Variants in GBE1 observed in about 807,000 individuals in gnomAD.
The protein encoded by GBE1 is 1,4-alpha-glucan branching enzyme 1.
A neutral mutation model predicts 88.8 loss-of-function variants in GBE1; 70 were observed. The ratio of observed to expected loss-of-function variants is 0.79; its 90% confidence interval spans 0.65 to 0.96. The LOEUF (loss-of-function observed/expected upper bound fraction) is 0.96. Among genes scored for constraint, GBE1 ranks in the 40% least tolerant of loss-of-function variants. GBE1 has a pLI of 0.00. For synonymous variants in GBE1, 284 were observed against 300.1 expected, an observed-to-expected ratio of 0.95 and a Z score of 0.56; for missense variants, 872 against 871.0, an observed-to-expected ratio of 1.00 and a Z score of -0.01.
chr3:81,761,469 C>T lies in GBE1; in HGVS notation c.49G>A (p.Ala17Thr). Reference sequence around the variant, plus strand: ...ACGTCAGCCAGGGCGGCATTGAGCGCCGCCTCGTAGTCCTCGGGCCGAGCC... The same window carrying T: ...ACGTCAGCCAGGGCGGCATTGAGCGTCGCCTCGTAGTCCTCGGGCCGAGCC... ...PAARPEDYEAALNAALADVPE... is the reference protein window; with the variant it reads ...PAARPEDYEATLNAALADVPE... Residue 17 changes from alanine (A) to threonine (T), a missense_variant, in exon 1 of 16, where the codon GCG becomes ACG. Physicochemically the swap from Ala to Thr is moderately conservative, Grantham distance 58. Coordinates refer to ENST00000429644, the MANE Select transcript of GBE1 (RefSeq NM_000158.4). The T allele has an allele frequency of 6.2e-7, 1 of 1,613,428 alleles. No individual in the cohort carries two copies. Among genetic ancestry groups the T allele is most frequent in the Non-Finnish European group, 8.5e-7 (1 of 1,179,694 alleles).
intron 7 of GBE1, among the ~76,000 whole-genome samples, chr3:81,634,292 A>G (rs1006626868): frequency 6.6e-6 from 1 of 152,254 alleles, no homozygotes; most frequent in Admixed American, 6.5e-5. Flanking sequence ...GCACATAAAT[A>G]ATATCATTAT....
At chr3:81,706,545 T>C in intron 1 of GBE1, among the ~76,000 whole-genome samples, 1 of 152,154 alleles carries the variant, frequency 6.6e-6, no homozygotes, top group East Asian at 1.9e-4. Flanking sequence ...AACTAGGCAA[T>C]GCCAATAAGC....
intron 12 of GBE1, among the ~76,000 whole-genome samples, chr3:81,559,542 C>G (rs1187577472): frequency 6.6e-6 from 1 of 151,858 alleles, no homozygotes; most frequent in African/African-American, 2.4e-5. Flanking sequence ...CTGTGGCACT[C>G]TGGAGAGCCA....
intron 2 of GBE1, 74 bp downstream of exon 2, chr3:81,705,370 T>A: frequency 9.1e-7 from 1 of 1,097,016 alleles, no homozygotes; most frequent in Non-Finnish European, 1.3e-6. Context: ...GTTAAATACA[T>A]GAAATATAAG....
chr3:81,578,014 G>A lies in GBE1; in HGVS notation c.1529C>T (p.Thr510Ile), dbSNP rs375013715. The change falls in exon 12 of 16, where the codon ACT (threonine) becomes ATT (isoleucine). Residue 510 changes from threonine (T) to isoleucine (I), a missense_variant. Coordinates refer to ENST00000429644, the MANE Select transcript of GBE1 (RefSeq NM_000158.4). The stretch of plus-strand genomic sequence containing the variant: ...CTGTATTCCACGATCAATAACTGGA[G>A]TAAAAGGAGTCAGGACACTCATGTT... ...YTNMSVLTPF[T>I]PVIDRGIQLH... The A allele has an allele frequency of 3.5e-5, 57 of 1,609,552 alleles. No homozygotes were observed. In the African/African-American group the frequency reaches 7.2e-4, roughly 20 times the overall value.
intron 15 of GBE1, among the ~76,000 whole-genome samples, chr3:81,495,727 A>C (rs1013589165): frequency 1.3e-5 from 2 of 152,208 alleles, no homozygotes; most frequent in African/African-American, 2.4e-5. Flanking sequence ...AACTATTTTC[A>C]TAATTTTGAA....
At chr3:81,732,899 C>T (rs1368386999) in intron 1 of GBE1, among the ~76,000 whole-genome samples, 1 of 152,116 alleles carries the variant, frequency 6.6e-6, no homozygotes, top group Non-Finnish European at 1.5e-5. Flanking sequence ...ATCCTTCCTC[C>T]CTTATCTTTC....
At position 81,642,649 on chromosome 3, in the gene GBE1, C is replaced by G. The variant is rs1319793492; in HGVS notation, c.992+132G>C. ...ACAAAACAAGGTAAAATCCCCTGTACAACAAAAATAAATCCAATTAAGAAC... is the reference window on the plus strand; with the variant it reads ...ACAAAACAAGGTAAAATCCCCTGTAGAACAAAAATAAATCCAATTAAGAAC... On this transcript the variant is annotated intron_variant, in intron 7 of 15. Coordinates refer to ENST00000429644, the MANE Select transcript of GBE1 (RefSeq NM_000158.4). 4.6e-6 allele frequency: 3 copies of G among 647,492 alleles called. No individual in the cohort carries two copies. In the African/African-American group the frequency reaches 5.5e-5, roughly 12 times the overall value. The allele number at this position is 647,492 out of a possible 1,614,324, so 40.1% of individuals were successfully genotyped here. A position where few individuals can be genotyped will look rare whatever the true frequency, so the allele number is the denominator to read the frequency against.
At chr3:81,533,407 T>C (rs1703034765) in intron 14 of GBE1, among the ~76,000 whole-genome samples, 1 of 152,100 alleles carries the variant, frequency 6.6e-6, no homozygotes, top group African/African-American at 2.4e-5. Flanking sequence ...CTGGAGCACA[T>C]TTGTGCTATC....
chr3:81,760,713 G>A (rs971044265), intron 1 of GBE1, among the ~76,000 whole-genome samples: 1 of 152,194 alleles, frequency 6.6e-6, no homozygotes, highest in Non-Finnish European at 1.5e-5. Flanking sequence ...GCCTGTAAAA[G>A]TTGCTTTCCT....
intron 1 of GBE1, among the ~76,000 whole-genome samples, chr3:81,738,508 G>A (rs1052276327): frequency 4.0e-5 from 6 of 151,302 alleles, no homozygotes; most frequent in African/African-American, 1.5e-4. Flanking sequence ...GGCCAGTGAT[G>A]GTGAGCAAAA....
intron 1 of GBE1, among the ~76,000 whole-genome samples, chr3:81,752,325 A>AT (rs544572096): frequency 6.6e-6 from 1 of 152,076 alleles, no homozygotes; most frequent in Non-Finnish European, 1.5e-5. Flanking sequence ...GCTATTATAT[A>AT]TTTTTTCTTC....
At chr3:81,746,286 C>G (rs1203122197) in intron 1 of GBE1, among the ~76,000 whole-genome samples, 1 of 151,992 alleles carries the variant, frequency 6.6e-6, no homozygotes, top group Non-Finnish European at 1.5e-5. Context: ...TTTTCTGAGA[C>G]AGGGTCTTGC....
intron 12 of GBE1, among the ~76,000 whole-genome samples, chr3:81,554,713 C>T (rs1703322680): frequency 6.6e-6 from 1 of 152,180 alleles, no homozygotes; most frequent in African/African-American, 2.4e-5. Context: ...AATTTGATAA[C>T]TGACATCAGT....
chr3:81,519,721 T>C (rs962079377), intron 14 of GBE1, among the ~76,000 whole-genome samples: 1 of 151,346 alleles, frequency 6.6e-6, no homozygotes. Flanking sequence ...ATAATTGAAC[T>C]TCACATGTAA....
In GBE1 at chr3:81,688,305, T is replaced by C. The variant is rs145566982; in HGVS notation, c.313+17139A>G. Among the ~76,000 whole-genome samples the C allele has an allele frequency of 1.1e-3, 174 of 152,352 alleles. 1 individual carries two copies. The East Asian group carries it at 0.016, about 14-fold the overall frequency. On this transcript the variant is annotated intron_variant, in intron 2 of 15. Coordinates refer to ENST00000429644, the MANE Select transcript of GBE1 (RefSeq NM_000158.4). Reference sequence around the variant, plus strand: ...TACATAGCACTTACTAATTTGTCTATATTGATTTGTTCTTCCCTTGACTGC... The same window carrying C: ...TACATAGCACTTACTAATTTGTCTACATTGATTTGTTCTTCCCTTGACTGC...
chr3:81,758,032 CTAGAGA>C (rs1488123993), intron 1 of GBE1, among the ~76,000 whole-genome samples: 1 of 152,152 alleles, frequency 6.6e-6, no homozygotes, highest in Non-Finnish European at 1.5e-5. Context: ...ATGTACAATG[CTAGAGA>C]TAAAGAAAAG....
chr3:81,678,466 A>G (rs1260268069), intron 2 of GBE1, among the ~76,000 whole-genome samples: 2 of 152,184 alleles, frequency 1.3e-5, no homozygotes, highest in Non-Finnish European at 2.9e-5. Context: ...CTAAAACAGT[A>G]TTTACATTAT....
chr3:81,617,859 A>G (rs1382450367), intron 7 of GBE1, among the ~76,000 whole-genome samples: 1 of 151,942 alleles, frequency 6.6e-6, no homozygotes, highest in Non-Finnish European at 1.5e-5. Context: ...AGGTTTTCCT[A>G]TGTTACATGC....
Sources: gnomAD v4.1 joint callset for allele counts (sites outside exome capture counted in the v4.1 genomes callset) on GRCh38, gnomAD v4.1.1 for gene constraint, MANE v1.5 for transcripts, NCBI Gene and HGNC (gene_info 2026-07-23, HGNC 2026-07-21) for gene names.